The following PREX2 variants were observed in gnomAD, a reference collection of about 807,000 sequenced individuals.
The protein encoded by PREX2 is phosphatidylinositol 3,4,5-trisphosphate-dependent Rac exchanger 2 protein.
PREX2 carries 107 observed loss-of-function variants against 203.2 expected under a neutral mutation model. That is an observed-to-expected ratio of 0.53 (90% CI 0.45 to 0.62). The LOEUF is 0.62. PREX2 is among the 20% of genes least tolerant of loss of function. The probability of loss-of-function intolerance (pLI) is 0.00; values close to 1 mark genes in which losing one functional copy is unlikely to be tolerated. For synonymous variants in PREX2, 672 were observed against 663.6 expected, an observed-to-expected ratio of 1.01 and a Z score of -0.19; for missense variants, 1,777 against 1,955.9, an observed-to-expected ratio of 0.91 and a Z score of 1.72.
At chr8:67,975,651 T>C (rs999122463) in intron 1 of PREX2, among the ~76,000 whole-genome samples, 1 of 150,472 alleles carries the variant, frequency 6.6e-6, no homozygotes, top group African/African-American at 2.4e-5. Flanking sequence ...CTTTTTCAGC[T>C]AGTATACTTA....
At chr8:68,120,375 G>A (rs1585810043) in intron 29 of PREX2, 89 bp downstream of exon 29, 1 of 813,400 alleles carries the variant, frequency 1.2e-6, no homozygotes, top group Non-Finnish European at 2.1e-6. Context: ...TTGCATAAGA[G>A]GAACAATTCC....
At chr8:68,010,016 C>T (rs1386980555) in intron 1 of PREX2, among the ~76,000 whole-genome samples, 2 of 152,184 alleles carry the variant, frequency 1.3e-5, no homozygotes, top group African/African-American at 4.8e-5. Flanking sequence ...TTGCATTGTT[C>T]CATTTTTATT....
At chr8:68,060,043 G>A (rs554370918) in intron 10 of PREX2, among the ~76,000 whole-genome samples, 3 of 152,144 alleles carry the variant, frequency 2.0e-5, no homozygotes, top group Non-Finnish European at 4.4e-5. Flanking sequence ...CTACTGACTT[G>A]GAGTTTTAAT....
intron 16 of PREX2, 73 bp from the exon 17 acceptor site, chr8:68,080,673 T>C (rs1448290855): frequency 1.4e-6 from 2 of 1,436,946 alleles, no homozygotes; most frequent in Non-Finnish European, 1.9e-6. Flanking sequence ...GTGATGCACA[T>C]TACTTCGTTC....
chr8:68,230,208 G>T (rs1359235438), intron 39 of PREX2, among the ~76,000 whole-genome samples: 1 of 152,158 alleles, frequency 6.6e-6, no homozygotes, highest in African/African-American at 2.4e-5. Context: ...TAATTAGCAT[G>T]GGATTAAATG....
At position 67,996,401 on chromosome 8, in the gene PREX2, C is replaced by A. The variant is rs191572210; in HGVS notation, c.142-21445C>A. On this transcript the variant is annotated intron_variant, in intron 1 of 39. Transcript: ENST00000288368. The stretch of plus-strand genomic sequence containing the variant: ...AATAAATGGAGTCTCACTATGTTGC[C>A]CAAGTTGGTCTCAAATTCCTGGCCT... Among the ~76,000 whole-genome samples, 35 of 151,914 alleles carry A rather than the reference C, an allele frequency of 2.3e-4. No individual in the cohort carries two copies. The East Asian group carries it at 4.9e-3, about 21-fold the overall frequency.
At chr8:68,010,293 T>A (rs2129609971) in intron 1 of PREX2, among the ~76,000 whole-genome samples, 1 of 152,304 alleles carries the variant, frequency 6.6e-6, no homozygotes, top group Middle Eastern at 3.4e-3. Flanking sequence ...AATTTTTGCC[T>A]CGATACCTTG....
rs775893443 is a variant in PREX2 at position 68,115,791 on chromosome 8, G to A, written c.3185G>A (p.Arg1062His). ...SSITYSPKLE[R>H]KTSEGIIPTD... is the part of the protein sequence containing the mutation. Reference sequence around the variant, plus strand: ...ATAACATATTCTCCTAAATTAGAACGTAAGACATCAGAGGGCATAATACCA... The same window carrying A: ...ATAACATATTCTCCTAAATTAGAACATAAGACATCAGAGGGCATAATACCA... The change falls in exon 26 of 40, where the codon CGT becomes CAT. Residue 1062 changes from arginine to histidine, a missense_variant. Physicochemically the swap from Arg to His is conservative, Grantham distance 29. Transcript: ENST00000288368. 78 of 1,611,482 alleles carry A rather than the reference G, an allele frequency of 4.8e-5. No individual in the cohort carries two copies. Among genetic ancestry groups the A allele is most frequent in the Admixed American group, 2.9e-4 (17 of 59,616 alleles).
intron 30 of PREX2, among the ~76,000 whole-genome samples, chr8:68,123,815 C>T (rs1810833548): frequency 6.6e-6 from 1 of 151,592 alleles, no homozygotes; most frequent in Admixed American, 6.6e-5. Context: ...GAGAGATTAA[C>T]AGCCAAATTC....
intron 1 of PREX2, among the ~76,000 whole-genome samples, chr8:67,956,023 TTTGAGA>T (rs1477558166): frequency 6.6e-6 from 1 of 152,206 alleles, no homozygotes; most frequent in Non-Finnish European, 1.5e-5. Flanking sequence ...TAAATTTTTG[TTTGAGA>T]TCATGGATAG....
At chr8:68,122,772 A>G (rs1334003925) in intron 30 of PREX2, among the ~76,000 whole-genome samples, 1 of 152,140 alleles carries the variant, frequency 6.6e-6, no homozygotes, top group African/African-American at 2.4e-5. Flanking sequence ...TCCAAAAGTT[A>G]TTCAAGGGCA....
intron 33 of PREX2, among the ~76,000 whole-genome samples, chr8:68,143,254 G>A (rs535467026): frequency 1.3e-5 from 2 of 149,282 alleles, no homozygotes; most frequent in Admixed American, 6.8e-5. Context: ...CATGAATGAT[G>A]TTGTGCCTTC....
Position 68,234,621 on chromosome 8 carries a change from G to A in PREX2, c.*3243G>A, listed in dbSNP as rs922165861. The A allele has an allele frequency of 6.6e-6, 1 of 152,010 alleles. No homozygotes were observed. Among genetic ancestry groups the A allele is most frequent in the Non-Finnish European group, 1.5e-5 (1 of 68,000 alleles). The allele number at this position is 152,010 out of a possible 1,614,324, so 9.4% of individuals were successfully genotyped here. On this transcript the variant is annotated 3_prime_UTR_variant, in exon 40 of 40. Transcript: ENST00000288368. ...GAGAGAAAATGGGGAGATAATTTCT[G>A]TGCTAGTTTTACTTATATTGGATAT...
chr8:68,022,645 A>G (rs1440591838), intron 4 of PREX2, among the ~76,000 whole-genome samples: 1 of 152,200 alleles, frequency 6.6e-6, no homozygotes, highest in Non-Finnish European at 1.5e-5. Context: ...GTCACGGGCA[A>G]ACTAATCGCT....
intron 1 of PREX2, among the ~76,000 whole-genome samples, chr8:67,965,994 G>C (rs937582577): frequency 6.6e-6 from 1 of 151,830 alleles, no homozygotes; most frequent in Non-Finnish European, 1.5e-5. Flanking sequence ...ATGTTTTGAG[G>C]GTAGCAAATA....
At chr8:68,107,056 G>GC (rs1810430606) in intron 23 of PREX2, among the ~76,000 whole-genome samples, 1 of 152,112 alleles carries the variant, frequency 6.6e-6, no homozygotes, top group African/African-American at 2.4e-5. Context: ...TTTACCATCT[G>GC]CCGGGGGAGC....
At chr8:68,220,949 A>C (rs1265079711) in intron 38 of PREX2, among the ~76,000 whole-genome samples, 1 of 152,096 alleles carries the variant, frequency 6.6e-6, no homozygotes, top group Admixed American at 6.5e-5. Context: ...TTGGGCTTCC[A>C]TTGAACCCAT....
intron 39 of PREX2, among the ~76,000 whole-genome samples, chr8:68,225,551 A>G (rs1813042622): frequency 6.6e-6 from 1 of 152,246 alleles, no homozygotes; most frequent in African/African-American, 2.4e-5. Flanking sequence ...TTCACAGAGC[A>G]GTTACCAGAG....
rs1194672489 is a variant in PREX2, at chr8:67,976,576, CAGAG to C, written c.141+24049_141+24052del. The stretch of plus-strand genomic sequence containing the variant: ...AGAGAGAGAGAGACAGAGACAGAGA[CAGAG>C]AGAGAGATGGGAGAGAGACAGAGAG... On this transcript the variant is annotated intron_variant, in intron 1 of 39. Transcript: ENST00000288368. Among the ~76,000 whole-genome samples, 9 of 43,914 alleles carry C rather than the reference CAGAG, an allele frequency of 2.0e-4. 2 individuals carry two copies. Among genetic ancestry groups the C allele is most frequent in the Admixed American group, 2.0e-3 (6 of 2,958 alleles). The allele number at this position is 43,914 out of a possible 152,430, so 28.8% of individuals were successfully genotyped here. A position where few individuals can be genotyped will look rare whatever the true frequency, so the allele number is the denominator to read the frequency against.
Sources: allele counts gnomAD v4.1 joint callset (sites outside exome capture counted in the v4.1 genomes callset), GRCh38; gene constraint gnomAD v4.1.1; transcripts MANE v1.5; gene names NCBI Gene and HGNC (gene_info 2026-07-23, HGNC 2026-07-21).